SATB2: variants seen among roughly 807,000 people sequenced by gnomAD.
SATB2 encodes SATB homeobox 2.
SATB2 carries 1 observed loss-of-function variant against 73.4 expected under a neutral mutation model. That is an observed-to-expected ratio of 0.01 (90% confidence interval 0.00 to 0.06). The LOEUF (loss-of-function observed/expected upper bound fraction) is 0.06. Ranked by LOEUF, SATB2 falls within the 10% of genes least tolerant of loss-of-function variation. SATB2 has a pLI of 1.00. For missense variants in SATB2, 459 were observed against 945.8 expected, an observed-to-expected ratio of 0.49 and a Z score of 6.75; for synonymous variants, 397 against 367.0, an observed-to-expected ratio of 1.08 and a Z score of -0.93.
chr2:199,364,106 T>C (rs1689218581), intron 6 of SATB2, among the ~76,000 whole-genome samples: 1 of 152,218 alleles, frequency 6.6e-6, no homozygotes, highest in Non-Finnish European at 1.5e-5. Flanking sequence ...CAGGGGACAT[T>C]GATTTCTCTA....
At chr2:199,275,316 G>C (rs1183791491) in intron 10 of SATB2, among the ~76,000 whole-genome samples, 1 of 152,066 alleles carries the variant, frequency 6.6e-6, no homozygotes. Context: ...TTGTTTCCTA[G>C]AACTGAGCAC....
At position 199,281,284 on chromosome 2, in the gene SATB2, G is replaced by GTA. The variant is rs144818728; in HGVS notation, c.1741-8614_1741-8613dup. On this transcript the variant is annotated intron_variant, in intron 10 of 10. Coordinates refer to ENST00000417098, the MANE Select transcript of SATB2 (RefSeq NM_001172509.2). ...TATGTATGTGTGTGTGTGTGTGTGT[G>GTA]TATATATACATATATATGAGAAATC... 3.4e-5 allele frequency among the ~76,000 whole-genome samples: 5 copies of GTA among 148,794 alleles called. No homozygotes were observed. In the South Asian group the frequency reaches 6.4e-4, roughly 19 times the overall value.
chr2:199,391,621 T>C lies in SATB2; in HGVS notation c.347-9801A>G, dbSNP rs79884669. Among the ~76,000 whole-genome samples the C allele has an allele frequency of 2.1e-3, 327 of 152,244 alleles. 2 individuals carry two copies. Among genetic ancestry groups the C allele is most frequent in the African/African-American group, 7.5e-3 (313 of 41,544 alleles). ...ATTTACATTTTTTGGAAATGTCATATTTAAAGGCTGTAAACCAAATTTTAA... is the reference window on the plus strand; with the variant it reads ...ATTTACATTTTTTGGAAATGTCATACTTAAAGGCTGTAAACCAAATTTTAA... On this transcript the variant is annotated intron_variant, in intron 3 of 10. Transcript: ENST00000417098.
At position 199,293,242 on chromosome 2, in the gene SATB2, G is replaced by A. The variant is rs1322553260; in HGVS notation, c.1740+15518C>T. 2.0e-5 allele frequency among the ~76,000 whole-genome samples: 3 copies of A among 152,096 alleles called. No individual in the cohort carries two copies. In the East Asian group the frequency reaches 5.8e-4, roughly 29 times the overall value. On this transcript the variant is annotated intron_variant, in intron 10 of 10. Coordinates refer to ENST00000417098, the MANE Select transcript of SATB2 (RefSeq NM_001172509.2). ...ATCAATGACAGTATTTCTCCTGTGA[G>A]TTTTTCTCCTGTTTTCTTTTTTTCT...
rs541234203 is a variant in SATB2 at position 199,311,794 on chromosome 2, T to C, written c.1543-2837A>G. Among the ~76,000 whole-genome samples the C allele has an allele frequency of 5.3e-5, 8 of 152,296 alleles. No individual in the cohort carries two copies. The East Asian group carries it at 1.5e-3, about 29-fold the overall frequency. ...ACCTCACTTCCCATCTCATGCACCA[T>C]CATTTTATTCATATCATCTTTTCAC... is the stretch of plus-strand genomic sequence containing the variant. On this transcript the variant is annotated intron_variant, in intron 9 of 10. Coordinates refer to ENST00000417098, the MANE Select transcript of SATB2 (RefSeq NM_001172509.2).
rs55763647 is a variant in SATB2 at position 199,417,036 on chromosome 2, TCACACA to T, written c.346+16296_346+16301del. On this transcript the variant is annotated intron_variant, in intron 3 of 10. Transcript: ENST00000417098. ...GGGGGACAGAGTGAGACTCCGTCTC[TCACACA>T]CACACACACACACACACACACACAC... is the stretch of plus-strand genomic sequence containing the variant. Among the ~76,000 whole-genome samples, 460 of 144,252 alleles carry T rather than the reference TCACACA, an allele frequency of 3.2e-3. 1 individual carries two copies. Among genetic ancestry groups the T allele is most frequent in the African/African-American group, 9.0e-3 (346 of 38,444 alleles). The allele number at this position is 144,252 out of a possible 152,430, so 94.6% of individuals were successfully genotyped here.
intron 7 of SATB2, among the ~76,000 whole-genome samples, chr2:199,346,575 G>A (rs1688657617): frequency 6.6e-6 from 1 of 152,140 alleles, no homozygotes; most frequent in Non-Finnish European, 1.5e-5. Context: ...CGAATAAAGA[G>A]AGAAAAAATG....
At position 199,308,906 on chromosome 2, in the gene SATB2, G is replaced by A. The variant is rs2105769188; in HGVS notation, c.1594C>T (p.Arg532Cys). 1 of 1,614,142 alleles carries A rather than the reference G, an allele frequency of 6.2e-7. No homozygotes were observed. The change falls in exon 10 of 11, where the codon CGC becomes TGC. Residue 532 changes from arginine (R) to cysteine (C), a missense_variant. Around this residue, in one of 13 missense-constraint regions of SATB2, gnomAD observed 74 missense variants for 136.1 expected, o/e 0.54. Transcript: ENST00000417098. This position sits in a 1 kb window ranked among gnomAD's most constrained non-coding sequence, Gnocchi z 4.6. ...GTACAGAGGTTTTCCCAGAGGGTGC[G>A]GTTTTCTGGGCTTGGGTTCTCCTTC... ...RWKENPSPEN[R>C]TLWENLCTIR...
chr2:199,311,589 T>C (rs1470203900), intron 9 of SATB2, among the ~76,000 whole-genome samples: 1 of 152,168 alleles, frequency 6.6e-6, no homozygotes, highest in Non-Finnish European at 1.5e-5. Flanking sequence ...CTAAAGGCCG[T>C]TATTCCCTCC....
chr2:199,458,024 G>T (rs1692344659), upstream of SATB2: 1 of 156,626 alleles, frequency 6.4e-6, no homozygotes, highest in South Asian at 1.9e-4. Context: ...GTCCTTTTGG[G>T]TTGTCCTCGG....
At chr2:199,325,875 T>C (rs1336773628) in intron 8 of SATB2, 1 of 152,148 alleles carries the variant, frequency 6.6e-6, no homozygotes, top group African/African-American at 2.4e-5. Flanking sequence ...AAATGATCAT[T>C]CTTATCTTAG....
At chr2:199,414,236 C>T (rs1299463947) in intron 3 of SATB2, among the ~76,000 whole-genome samples, 1 of 152,218 alleles carries the variant, frequency 6.6e-6, no homozygotes, top group Non-Finnish European at 1.5e-5. Context: ...GCCCCTCTCA[C>T]ACATCACCTC....
chr2:199,358,413 G>C (rs1300134970), intron 6 of SATB2, among the ~76,000 whole-genome samples: 2 of 151,936 alleles, frequency 1.3e-5, no homozygotes, highest in Non-Finnish European at 2.9e-5. Context: ...TACCAGATGA[G>C]TTCACCAAAT....
chr2:199,391,783 A>G (rs1690150829), intron 3 of SATB2, among the ~76,000 whole-genome samples: 1 of 152,214 alleles, frequency 6.6e-6, no homozygotes, highest in Admixed American at 6.5e-5. Flanking sequence ...GTGATAAATA[A>G]TGACAATGGC....
chr2:199,398,179 G>C (rs1299475115), intron 3 of SATB2, among the ~76,000 whole-genome samples: 2 of 152,134 alleles, frequency 1.3e-5, no homozygotes, highest in Non-Finnish European at 2.9e-5. Flanking sequence ...TTCCAGACTA[G>C]AGAATCTGGG....
chr2:199,399,973 G>A (rs891658865), intron 3 of SATB2, among the ~76,000 whole-genome samples: 3 of 152,162 alleles, frequency 2.0e-5, no homozygotes, highest in Non-Finnish European at 4.4e-5. Flanking sequence ...AAGGTTACAA[G>A]GATGTTAAAT....
intron 10 of SATB2, among the ~76,000 whole-genome samples, chr2:199,304,715 G>C (rs1038676001): frequency 6.6e-6 from 1 of 152,172 alleles, no homozygotes; most frequent in Non-Finnish European, 1.5e-5. Context: ...AGATCCTGAA[G>C]AACTAGCTTC....
intron 9 of SATB2, among the ~76,000 whole-genome samples, chr2:199,316,944 T>C (rs747511458): frequency 2.6e-5 from 4 of 151,536 alleles, no homozygotes; most frequent in Non-Finnish European, 5.9e-5. Flanking sequence ...CTGAAAACAA[T>C]CAAAATGCTT....
chr2:199,434,841 T>A (rs1183149247), intron 2 of SATB2, among the ~76,000 whole-genome samples: 1 of 152,158 alleles, frequency 6.6e-6, no homozygotes, highest in Non-Finnish European at 1.5e-5. Context: ...GAGCAGATAC[T>A]CTGCAAACTA....
Sources: allele counts gnomAD v4.1 joint callset (sites outside exome capture counted in the v4.1 genomes callset), GRCh38; gene constraint gnomAD v4.1.1; regional missense constraint gnomAD v4.1.1; non-coding constraint Gnocchi (gnomAD v3.1); transcripts MANE v1.5; gene names NCBI Gene and HGNC (gene_info 2026-07-23, HGNC 2026-07-21).